NAA15: variants seen among roughly 807,000 people sequenced by gnomAD.
The protein encoded by NAA15 is N-alpha-acetyltransferase 15, NatA auxiliary subunit.
A neutral mutation model predicts 114.0 loss-of-function variants in NAA15; 34 were observed. The observed-to-expected ratio is 0.30, with a 90% CI of 0.23 to 0.40. The LOEUF is 0.40. Among genes scored for constraint, NAA15 ranks in the 10% least tolerant of loss-of-function variants. The pLI is 1.00. For missense variants in NAA15, 658 were observed against 1,004.5 expected, an observed-to-expected ratio of 0.66 and a Z score of 4.66; for synonymous variants, 340 against 338.0, an observed-to-expected ratio of 1.01 and a Z score of -0.06.
At chr4:139,315,006 T>TTTAGGTTAGG (rs1553992519) in intron 1 of NAA15, among the ~76,000 whole-genome samples, 1,672 of 101,464 alleles carry the variant, frequency 0.016, 108 homozygotes, top group East Asian at 0.13. Context: ...TTCAGTTTAG[T>TTTAGGTTAGG]TTAGGTTAGG....
At chr4:139,309,153 G>C (rs1746129489) in intron 1 of NAA15, among the ~76,000 whole-genome samples, 1 of 150,808 alleles carries the variant, frequency 6.6e-6, no homozygotes, top group African/African-American at 2.4e-5. Flanking sequence ...TTAGAGACCA[G>C]CCTGGCCAAC....
At chr4:139,384,349 G>A (rs1219981410) in intron 17 of NAA15, among the ~76,000 whole-genome samples, 3 of 152,100 alleles carry the variant, frequency 2.0e-5, no homozygotes, top group Non-Finnish European at 2.9e-5. Context: ...GTGGTAGCTT[G>A]CACCTGTGGT....
chr4:139,357,781 A>G (rs538417559), intron 11 of NAA15, among the ~76,000 whole-genome samples: 14 of 152,322 alleles, frequency 9.2e-5, no homozygotes, highest in Non-Finnish European at 1.8e-4. Context: ...ACATACATTA[A>G]TGTATATGTA....
At chr4:139,367,340 C>A (rs1233028417) in intron 14 of NAA15, among the ~76,000 whole-genome samples, 1 of 152,094 alleles carries the variant, frequency 6.6e-6, no homozygotes, top group Non-Finnish European at 1.5e-5. Flanking sequence ...TTCTGAATTA[C>A]CCTTTTTTTC....
At chr4:139,319,480 C>T (rs1746527920) in intron 1 of NAA15, among the ~76,000 whole-genome samples, 1 of 152,024 alleles carries the variant, frequency 6.6e-6, no homozygotes, top group African/African-American at 2.4e-5. Context: ...CTGTTGCCAA[C>T]ACTGCAGTGT....
At chr4:139,317,855 GCTGT>G (rs1317935034) in intron 1 of NAA15, among the ~76,000 whole-genome samples, 4 of 152,110 alleles carry the variant, frequency 2.6e-5, no homozygotes, top group East Asian at 1.9e-4. Flanking sequence ...ATATTTTATA[GCTGT>G]CTGTCAATCA....
rs755877865 is a variant in NAA15 at position 139,349,574 on chromosome 4, C to G, written c.804C>G (p.Leu268=). Reference sequence around the variant, plus strand: ...ATTACAAAGGCTTGGAAAAAGCACTCAAGCCAGGTAGTATTGTTTAAAACT... The same window carrying G: ...ATTACAAAGGCTTGGAAAAAGCACTGAAGCCAGGTAGTATTGTTTAAAACT... ...WAYYKGLEKA[L]KPANMLERLK... Residue 268 remains leucine, a synonymous_variant, in exon 7 of 20, where the codon CTC becomes CTG. Transcript: ENST00000296543. 2 of 1,605,732 alleles carry G rather than the reference C, an allele frequency of 1.2e-6. No homozygotes were observed. Among genetic ancestry groups the G allele is most frequent in the Non-Finnish European group, 1.7e-6 (2 of 1,177,954 alleles).
intron 2 of NAA15, 144 bp downstream of exon 2, chr4:139,334,402 G>T: frequency 2.2e-6 from 1 of 464,554 alleles, no homozygotes. Flanking sequence ...ATTTAATACT[G>T]AATTTTGAAT....
intron 14 of NAA15, among the ~76,000 whole-genome samples, chr4:139,367,926 C>G (rs988417197): frequency 2.0e-5 from 3 of 151,616 alleles, no homozygotes; most frequent in African/African-American, 7.3e-5. Flanking sequence ...TACTCTGTGG[C>G]TATTACATAT....
chr4:139,380,852 C>T (rs746309573), intron 17 of NAA15, among the ~76,000 whole-genome samples: 8 of 152,076 alleles, frequency 5.3e-5, no homozygotes, highest in Non-Finnish European at 1.2e-4. Context: ...TACAGATATC[C>T]AAATAGTGGC....
intron 1 of NAA15, among the ~76,000 whole-genome samples, chr4:139,308,781 A>G (rs1746113627): frequency 6.6e-6 from 1 of 151,982 alleles, no homozygotes. Flanking sequence ...ACACCCAGCT[A>G]AGTTTTATAT....
intron 7 of NAA15, 30 bp from the exon 8 acceptor site, chr4:139,351,161 A>G: frequency 8.2e-7 from 1 of 1,220,142 alleles, no homozygotes; most frequent in South Asian, 1.5e-5. Flanking sequence ...TTATGATTAT[A>G]TATAACAAAG....
chr4:139,307,357 C>G (rs188563488), intron 1 of NAA15, among the ~76,000 whole-genome samples: 12 of 152,356 alleles, frequency 7.9e-5, no homozygotes, highest in Admixed American at 6.5e-4. Flanking sequence ...CAGCCTCCAC[C>G]TCCCGGGCTC....
intron 19 of NAA15, 87 bp downstream of exon 19, chr4:139,386,317 T>C (rs1444612066): frequency 1.6e-6 from 1 of 641,948 alleles, no homozygotes; most frequent in East Asian, 2.9e-5. Flanking sequence ...ACACACTGTT[T>C]TTTAAATCAT....
At chr4:139,349,261 C>A (rs749624919) in intron 6 of NAA15, among the ~76,000 whole-genome samples, 26 of 152,014 alleles carry the variant, frequency 1.7e-4, no homozygotes, top group Non-Finnish European at 3.2e-4. Context: ...GATGGCATTT[C>A]TAAATAATGT....
intron 14 of NAA15, among the ~76,000 whole-genome samples, chr4:139,362,707 TG>T (rs1748169695): frequency 6.6e-6 from 1 of 152,214 alleles, no homozygotes; most frequent in African/African-American, 2.4e-5. Context: ...ACTTATCATT[TG>T]ACTCATTTTT....
intron 1 of NAA15, among the ~76,000 whole-genome samples, chr4:139,307,337 C>T (rs553923432): frequency 2.6e-4 from 40 of 152,306 alleles, no homozygotes; most frequent in African/African-American, 7.2e-4. Flanking sequence ...GGTTTGATCA[C>T]GGCTCACTGC....
intron 1 of NAA15, among the ~76,000 whole-genome samples, chr4:139,304,500 A>G (rs1745941230): frequency 6.6e-6 from 1 of 152,260 alleles, no homozygotes; most frequent in Non-Finnish European, 1.5e-5. Context: ...CAAAATTTGC[A>G]GGTGTTTGAG....
chr4:139,305,043 C>T (rs1319260719), intron 1 of NAA15, among the ~76,000 whole-genome samples: 2 of 152,178 alleles, frequency 1.3e-5, no homozygotes, highest in African/African-American at 4.8e-5. Context: ...CTTCAGCCTC[C>T]GGAGTAGGGG....
Sources: allele counts gnomAD v4.1 joint callset (sites outside exome capture counted in the v4.1 genomes callset), GRCh38; gene constraint gnomAD v4.1.1; transcripts MANE v1.5; gene names NCBI Gene and HGNC (gene_info 2026-07-23, HGNC 2026-07-21).